Variants in TLN2 observed in about 807,000 individuals in gnomAD.
TLN2 encodes the protein talin-2.
Under a neutral mutation model 294.7 loss-of-function variants are expected in TLN2, and 118 were observed. That is an observed-to-expected ratio of 0.40 (90% CI 0.34 to 0.47). TLN2 has a LOEUF of 0.47. Ranked by LOEUF, TLN2 falls within the 20% of genes least tolerant of loss-of-function variation. The pLI is 0.84. For missense variants in TLN2, 3,083 were observed against 3,282.2 expected (o/e 0.94, Z 1.48); for synonymous variants, 1,431 against 1,304.5 (o/e 1.10, Z -2.09).
intron 50 of TLN2, among the ~76,000 whole-genome samples, chr15:62,804,361 G>T (rs963527652): frequency 6.6e-6 from 1 of 152,166 alleles, no homozygotes; most frequent in African/African-American, 2.4e-5. Context: ...ACTTTAGGAG[G>T]CTGAGGCAGG....
At chr15:62,666,187 C>T (rs1304777353) in intron 9 of TLN2, among the ~76,000 whole-genome samples, 10 of 152,086 alleles carry the variant, frequency 6.6e-5, no homozygotes, top group Admixed American at 5.2e-4. Context: ...GCTGTGTGAC[C>T]AAGATAGGTC....
At chr15:62,718,853 C>G (rs757058108) in intron 24 of TLN2, among the ~76,000 whole-genome samples, 4 of 152,154 alleles carry the variant, frequency 2.6e-5, no homozygotes, top group Non-Finnish European at 5.9e-5. Context: ...GATACTAGGT[C>G]TTGAGTGTCA....
Position 62,653,288 on chromosome 15 carries a change from A to C in TLN2, c.491A>C (p.Lys164Thr), listed in dbSNP as rs753884519. Residue 164 changes from lysine (K) to threonine (T), a missense_variant, in exon 7 of 59, where the codon AAG (lysine) becomes ACG (threonine). Lys to Thr is a moderately conservative substitution (Grantham distance 78). Transcript: ENST00000636159. ...GATGAGAGGAAAATGGAGAAGTTGA[A>C]GGCCAAGCTGCACACAGATGATGAC... ...LRDERKMEKLKAKLHTDDDLN... is the reference protein window; with the variant it reads ...LRDERKMEKLTAKLHTDDDLN... 1.2e-6 allele frequency: 2 copies of C among 1,613,764 alleles called. No individual in the cohort carries two copies. The highest frequency in any genetic ancestry group is 1.7e-6 in the Non-Finnish European group (2 of 1,179,908).
intron 1 of TLN2, among the ~76,000 whole-genome samples, chr15:62,490,449 G>C (rs1007413244): frequency 2.6e-5 from 4 of 152,224 alleles, no homozygotes; most frequent in African/African-American, 7.2e-5. Context: ...AAGACAGTTG[G>C]TTGGAAACAT....
rs528813627 is a variant in TLN2 at position 62,689,359 on chromosome 15, C to T, written c.1113+2563C>T. ...TATACACATAAGATGGTTATTTTGT[C>T]TATAACCACATAAGATGGTGTTACA... On this transcript the variant is annotated intron_variant, in intron 12 of 58. Coordinates refer to ENST00000636159, the MANE Select transcript of TLN2 (RefSeq NM_015059.3). Among the ~76,000 whole-genome samples, 5 of 152,266 alleles carry T rather than the reference C, an allele frequency of 3.3e-5. No homozygotes were observed. The South Asian group carries it at 8.3e-4, about 25-fold the overall frequency.
At chr15:62,397,386 A>G (rs546916844) in intron 1 of TLN2, among the ~76,000 whole-genome samples, 1 of 152,200 alleles carries the variant, frequency 6.6e-6, no homozygotes, top group East Asian at 1.9e-4. Context: ...GCCTCCTGTG[A>G]AACTGTGGCT....
At chr15:62,451,075 G>T (rs2140321124) in intron 1 of TLN2, among the ~76,000 whole-genome samples, 1 of 151,930 alleles carries the variant, frequency 6.6e-6, no homozygotes, top group South Asian at 2.1e-4. Context: ...CTCTGAGAGT[G>T]CTTTAGTGGA....
At chr15:62,799,116 C>G (rs1462810812) in intron 48 of TLN2, among the ~76,000 whole-genome samples, 1 of 152,128 alleles carries the variant, frequency 6.6e-6, no homozygotes, top group African/African-American at 2.4e-5. Context: ...GGATGAGGAC[C>G]CAGAGCCACG....
chr15:62,447,139 T>C (rs143440631), intron 1 of TLN2, among the ~76,000 whole-genome samples: 1 of 147,702 alleles, frequency 6.8e-6, no homozygotes, highest in Non-Finnish European at 1.5e-5. Context: ...TCCCAGACTT[T>C]GTTCAAGAAG....
At chr15:62,699,095 C>T (rs1366003903) in intron 16 of TLN2, among the ~76,000 whole-genome samples, 3 of 152,104 alleles carry the variant, frequency 2.0e-5, no homozygotes, top group Non-Finnish European at 4.4e-5. Context: ...GAACTTGAAC[C>T]CTAGGATCCT....
chr15:62,822,981 C>T (rs1019297251), intron 54 of TLN2, among the ~76,000 whole-genome samples: 2 of 152,134 alleles, frequency 1.3e-5, no homozygotes, highest in Non-Finnish European at 2.9e-5. Flanking sequence ...TGAAGTAGGC[C>T]TGTGAGGACT....
chr15:62,775,937 T>G (rs1287007486), intron 42 of TLN2, among the ~76,000 whole-genome samples: 1 of 152,188 alleles, frequency 6.6e-6, no homozygotes, highest in African/African-American at 2.4e-5. Flanking sequence ...CTGCATAGTG[T>G]TGTTATAGTT....
intron 45 of TLN2, among the ~76,000 whole-genome samples, chr15:62,792,338 T>G (rs1318397515): frequency 6.6e-6 from 1 of 152,212 alleles, no homozygotes; most frequent in Non-Finnish European, 1.5e-5. Context: ...CTAATTAACA[T>G]TCTTACCAGG....
chr15:62,730,674 C>T (rs1266034277), intron 28 of TLN2, among the ~76,000 whole-genome samples: 1 of 152,162 alleles, frequency 6.6e-6, no homozygotes, highest in Non-Finnish European at 1.5e-5. Flanking sequence ...AGATGTTATT[C>T]CATTGTTGCT....
At chr15:62,573,676 A>G (rs1490076264) in intron 1 of TLN2, among the ~76,000 whole-genome samples, 1 of 149,418 alleles carries the variant, frequency 6.7e-6, no homozygotes, top group African/African-American at 2.5e-5. Flanking sequence ...TCCCCCAGGA[A>G]CCCCCTTCCC....
rs1275611383 is a variant in TLN2, at chr15:62,605,322, CTGAG to C, written c.-161-13027_-161-13024del. Among the ~76,000 whole-genome samples, 6 of 152,148 alleles carry C rather than the reference CTGAG, an allele frequency of 3.9e-5. No homozygotes were observed. The East Asian group carries it at 7.7e-4, about 20-fold the overall frequency. On this transcript the variant is annotated intron_variant, in intron 2 of 58. Transcript: ENST00000636159. ...GAGTTTGTTTCCTTATCCTTTGTGT[CTGAG>C]TATTTTATACGTAACATTTTACAAA...
chr15:62,461,651 G>A (rs557520098), intron 1 of TLN2, among the ~76,000 whole-genome samples: 1 of 152,350 alleles, frequency 6.6e-6, no homozygotes, highest in Admixed American at 6.5e-5. Flanking sequence ...AATAAGACAA[G>A]CAAGGTGTGT....
chr15:62,441,388 T>C (rs943374346), intron 1 of TLN2, among the ~76,000 whole-genome samples: 7 of 152,200 alleles, frequency 4.6e-5, no homozygotes, highest in African/African-American at 1.7e-4. Context: ...CATGCAACCA[T>C]GCCTGGCTTT....
At chr15:62,559,020 G>C (rs72753897) in intron 1 of TLN2, among the ~76,000 whole-genome samples, 2,596 of 152,206 alleles carry the variant, frequency 0.017, 37 homozygotes, top group Admixed American at 0.027. Context: ...TCATATTTTG[G>C]GGTGGCCTAT....
Sources: allele counts gnomAD v4.1 joint callset (sites outside exome capture counted in the v4.1 genomes callset), GRCh38; gene constraint gnomAD v4.1.1; transcripts MANE v1.5; gene names NCBI Gene and HGNC (gene_info 2026-07-23, HGNC 2026-07-21).